Variants in ZBTB20 observed in about 807,000 individuals in gnomAD.
The protein encoded by ZBTB20 is zinc finger and BTB domain containing 20.
Under a neutral mutation model 56.9 loss-of-function variants are expected in ZBTB20, and 9 were observed. That is an observed-to-expected ratio of 0.16 (90% CI 0.10 to 0.28). ZBTB20 has a LOEUF of 0.28. ZBTB20 is among the 10% of genes least tolerant of loss of function. The pLI, the probability that ZBTB20 is intolerant of heterozygous loss-of-function variation, is 1.00. For synonymous variants in ZBTB20, 417 were observed against 420.7 expected (o/e 0.99, Z 0.11); for missense variants, 655 against 1,003.0 (o/e 0.65, Z 4.69).
chr3:115,118,814 G>A (rs2084099649), intron 1 of ZBTB20, among the ~76,000 whole-genome samples: 1 of 145,166 alleles, frequency 6.9e-6, no homozygotes, highest in African/African-American at 2.6e-5. Flanking sequence ...TCCGCCTCCC[G>A]GGCTCACGCC....
intron 6 of ZBTB20, among the ~76,000 whole-genome samples, chr3:114,611,604 GT>G (rs2057555743): frequency 6.6e-6 from 1 of 152,192 alleles, no homozygotes; most frequent in Non-Finnish European, 1.5e-5. Flanking sequence ...GTATTTTACA[GT>G]TACAATTACC....
At position 114,350,283 on chromosome 3, in the gene ZBTB20, C is replaced by A; in HGVS notation, c.1795G>T (p.Val599Leu). Reference protein sequence around the residue: ...AKQNYVKHMFVHTGEKPHQCS... With the variant: ...AKQNYVKHMFLHTGEKPHQCS... ...GTGGGGTGACACTCACCTGTGTGTA[C>A]GAACATGTGCTTGACGTAGTTCTGT... The change falls in exon 11 of 12, where the codon GTA becomes TTA. Residue 599 changes from valine (V) to leucine (L), a missense_variant. By Grantham distance (32) the Val-to-Leu change is conservative. Around this residue, in one of 10 missense-constraint regions of ZBTB20, gnomAD observed 10 missense variants for 98.5 expected, o/e 0.10. Transcript: ENST00000675478. The A allele has an allele frequency of 6.2e-7, 1 of 1,602,656 alleles. No homozygotes were observed. Among genetic ancestry groups the A allele is most frequent in the Non-Finnish European group, 8.5e-7 (1 of 1,171,764 alleles).
intron 2 of ZBTB20, among the ~76,000 whole-genome samples, chr3:114,988,873 G>T (rs2078672846): frequency 6.6e-6 from 1 of 152,120 alleles, no homozygotes; most frequent in African/African-American, 2.4e-5. Flanking sequence ...ATTTTTTCAT[G>T]TCTCTGTTGG....
Position 114,469,139 on chromosome 3 carries a change from T to C in ZBTB20, c.-255+31213A>G, listed in dbSNP as rs150694065. Among the ~76,000 whole-genome samples the C allele has an allele frequency of 4.2e-3, 639 of 152,172 alleles. 6 individuals carry two copies. Among genetic ancestry groups the C allele is most frequent in the African/African-American group, 0.014 (594 of 41,512 alleles). On this transcript the variant is annotated intron_variant, in intron 7 of 11. Transcript: ENST00000675478. The stretch of plus-strand genomic sequence containing the variant: ...ATACATTTTAAAAAATTCTATCTGC[T>C]AGCTAGATGCAGCTCATAGGCCACT...
intron 5 of ZBTB20, among the ~76,000 whole-genome samples, chr3:114,751,618 T>C (rs2067561569): frequency 6.6e-6 from 1 of 152,116 alleles, no homozygotes; most frequent in South Asian, 2.1e-4. Flanking sequence ...CATCACTGAT[T>C]GAATAAAGAA....
chr3:114,635,439 A>G (rs1195210985), intron 6 of ZBTB20, among the ~76,000 whole-genome samples: 1 of 152,164 alleles, frequency 6.6e-6, no homozygotes, highest in Non-Finnish European at 1.5e-5. Flanking sequence ...CATCTCCAAT[A>G]ACCATCCTGA....
intron 6 of ZBTB20, among the ~76,000 whole-genome samples, chr3:114,592,484 C>T (rs183014975): frequency 2.6e-5 from 4 of 152,128 alleles, no homozygotes; most frequent in African/African-American, 9.7e-5. Flanking sequence ...TATTTAAGTG[C>T]ATTTTCCCAA....
intron 3 of ZBTB20, among the ~76,000 whole-genome samples, chr3:114,950,877 T>C (rs2077043163): frequency 6.6e-6 from 1 of 152,104 alleles, no homozygotes; most frequent in Non-Finnish European, 1.5e-5. Context: ...TGCAAGCACA[T>C]GTAAATGCAA....
chr3:115,136,444 G>T (rs2084654807), intron 1 of ZBTB20, among the ~76,000 whole-genome samples: 1 of 150,312 alleles, frequency 6.7e-6, no homozygotes, highest in Admixed American at 6.6e-5. Context: ...ATAAAGCATG[G>T]TACCTGTTGT....
At chr3:115,104,563 T>C (rs1390122563) in intron 1 of ZBTB20, among the ~76,000 whole-genome samples, 1 of 152,188 alleles carries the variant, frequency 6.6e-6, no homozygotes, top group African/African-American at 2.4e-5. Flanking sequence ...CTTAAATGCA[T>C]ATTACTAAGC....
intron 6 of ZBTB20, among the ~76,000 whole-genome samples, chr3:114,580,256 TATC>T (rs1254055416): frequency 6.6e-6 from 1 of 151,676 alleles, no homozygotes; most frequent in African/African-American, 2.4e-5. Flanking sequence ...TGGAAAATTT[TATC>T]ATATTATTGA....
intron 4 of ZBTB20, among the ~76,000 whole-genome samples, chr3:114,882,747 A>G (rs1339130934): frequency 1.3e-5 from 2 of 152,142 alleles, no homozygotes; most frequent in African/African-American, 2.4e-5. Flanking sequence ...TTAAAGGTAT[A>G]TAGACACATT....
At chr3:114,842,727 C>A (rs956515811) in intron 4 of ZBTB20, among the ~76,000 whole-genome samples, 37 of 152,114 alleles carry the variant, frequency 2.4e-4, no homozygotes, top group Middle Eastern at 3.2e-3. Context: ...CTGATTCAAC[C>A]AACGAATTTA....
intron 7 of ZBTB20, among the ~76,000 whole-genome samples, chr3:114,443,837 C>T (rs1200362701): frequency 1.1e-4 from 16 of 152,164 alleles, no homozygotes; most frequent in Admixed American, 1.0e-3. Context: ...AGGCAGATAT[C>T]GTTTTTCTCT....
chr3:115,136,149 G>A (rs981935695), intron 1 of ZBTB20, among the ~76,000 whole-genome samples: 5 of 151,986 alleles, frequency 3.3e-5, no homozygotes, highest in Non-Finnish European at 5.9e-5. Context: ...TCTGAATCAT[G>A]GTAAATGTAA....
chr3:114,346,146 G>C (rs2080168189), intron 11 of ZBTB20, among the ~76,000 whole-genome samples: 1 of 152,148 alleles, frequency 6.6e-6, no homozygotes, highest in South Asian at 2.1e-4. Context: ...TATAAAAATT[G>C]TTAAGAAATA....
At chr3:114,593,031 G>GT (rs1404417410) in intron 6 of ZBTB20, among the ~76,000 whole-genome samples, 1 of 152,136 alleles carries the variant, frequency 6.6e-6, no homozygotes, top group Non-Finnish European at 1.5e-5. Context: ...ACTGAAAAGT[G>GT]TATGTTTTAT....
At chr3:114,509,185 A>C (rs928076107) in intron 6 of ZBTB20, among the ~76,000 whole-genome samples, 6 of 152,034 alleles carry the variant, frequency 3.9e-5, no homozygotes, top group Admixed American at 2.0e-4. Context: ...CATTCCTATC[A>C]CCAGGCAGTT....
At chr3:114,520,335 G>GA (rs1177264873) in intron 6 of ZBTB20, among the ~76,000 whole-genome samples, 2 of 152,096 alleles carry the variant, frequency 1.3e-5, no homozygotes, top group African/African-American at 4.8e-5. Context: ...AATGCAAATT[G>GA]ACTCATTCCA....
Sources: gnomAD v4.1 joint callset for allele counts (sites outside exome capture counted in the v4.1 genomes callset) on GRCh38, gnomAD v4.1.1 for gene constraint, gnomAD v4.1.1 regional missense constraint, MANE v1.5 for transcripts, NCBI Gene and HGNC (gene_info 2026-07-23, HGNC 2026-07-21) for gene names.